NCALD: variants seen among roughly 807,000 people sequenced by gnomAD.
The protein encoded by NCALD is neurocalcin-delta.
NCALD carries 10 observed loss-of-function variants against 18.6 expected under a neutral mutation model. That is an observed-to-expected ratio of 0.54 (90% CI 0.33 to 0.91). The LOEUF is 0.91. NCALD is among the 40% of genes least tolerant of loss of function. NCALD has a pLI of 0.03. For missense variants in NCALD, 184 were observed against 247.6 expected, an observed-to-expected ratio of 0.74 and a Z score of 1.72; for synonymous variants, 88 against 87.4, an observed-to-expected ratio of 1.01 and a Z score of -0.04.
At chr8:101,998,827 T>A (rs186376867) in intron 2 of NCALD, among the ~76,000 whole-genome samples, 1 of 152,198 alleles carries the variant, frequency 6.6e-6, no homozygotes, top group East Asian at 1.9e-4. Flanking sequence ...AACCAGTTTT[T>A]AAAATAAAGA....
chr8:101,976,086 T>C (rs1820413334), intron 2 of NCALD, among the ~76,000 whole-genome samples: 1 of 152,176 alleles, frequency 6.6e-6, no homozygotes, highest in Non-Finnish European at 1.5e-5. Flanking sequence ...TCCTTTTAAG[T>C]GGCCAACTCT....
rs529102108 is a variant in NCALD at position 102,035,701 on chromosome 8, A to G, written c.-209-15412T>C. ...TAACTACTTGTCTCTTTAATGAACC[A>G]AAAGATTCTCTCCCAGGTAGTCACA... On this transcript the variant is annotated intron_variant, in intron 1 of 6. Coordinates refer to the NCALD transcript ENST00000311028. 8.5e-5 allele frequency among the ~76,000 whole-genome samples: 13 copies of G among 152,284 alleles called. No individual in the cohort carries two copies. In the East Asian group the frequency reaches 2.3e-3, roughly 27 times the overall value.
chr8:102,042,896 G>A (rs1823103828), intron 1 of NCALD, among the ~76,000 whole-genome samples: 2 of 151,852 alleles, frequency 1.3e-5, no homozygotes, highest in South Asian at 4.1e-4. Flanking sequence ...GGCCCAGAGA[G>A]TTCAAGGCTA....
At chr8:101,761,935 T>C (rs982607116) in intron 1 of NCALD, among the ~76,000 whole-genome samples, 1 of 152,158 alleles carries the variant, frequency 6.6e-6, no homozygotes, top group Admixed American at 6.5e-5. Flanking sequence ...TAATCCAAAT[T>C]CCACTATCTG....
At chr8:102,079,761 G>A (rs1054190362) in intron 1 of NCALD, among the ~76,000 whole-genome samples, 1 of 152,114 alleles carries the variant, frequency 6.6e-6, no homozygotes, top group Non-Finnish European at 1.5e-5. Flanking sequence ...AATATGAACT[G>A]CAATGCATAA....
intron 3 of NCALD, among the ~76,000 whole-genome samples, chr8:101,910,454 A>T (rs1458363516): frequency 1.4e-5 from 2 of 141,964 alleles, no homozygotes; most frequent in Admixed American, 7.0e-5. Flanking sequence ...AATAAAGAGA[A>T]ATAACAAATG....
chr8:101,762,079 C>G (rs1258435839), intron 1 of NCALD, among the ~76,000 whole-genome samples: 1 of 152,202 alleles, frequency 6.6e-6, no homozygotes, highest in Non-Finnish European at 1.5e-5. Context: ...GAGAAAGAAC[C>G]CTTCTATCTT....
At chr8:101,893,351 C>G (rs1339544393) in intron 3 of NCALD, among the ~76,000 whole-genome samples, 1 of 151,026 alleles carries the variant, frequency 6.6e-6, no homozygotes, top group Non-Finnish European at 1.5e-5. Context: ...CCTAAAAGAG[C>G]TCCTGAAGGA....
intron 1 of NCALD, among the ~76,000 whole-genome samples, chr8:102,065,198 T>C (rs1405188362): frequency 1.3e-5 from 2 of 151,820 alleles, no homozygotes; most frequent in Non-Finnish European, 2.9e-5. Flanking sequence ...GCAACAGATT[T>C]CGATCTGCTA....
chr8:102,013,664 A>T (rs1379957134), intron 2 of NCALD, among the ~76,000 whole-genome samples: 1 of 138,314 alleles, frequency 7.2e-6, no homozygotes, highest in African/African-American at 2.8e-5. Context: ...AAGATATGTT[A>T]AAAAAAAAAT....
At chr8:101,967,739 G>T (rs763937967) in intron 2 of NCALD, among the ~76,000 whole-genome samples, 2 of 152,150 alleles carry the variant, frequency 1.3e-5, no homozygotes, top group African/African-American at 2.4e-5. Context: ...AGCAGAGGGT[G>T]AGGATTCTTC....
intron 4 of NCALD, among the ~76,000 whole-genome samples, chr8:101,808,801 G>A (rs188150972): frequency 2.6e-5 from 4 of 152,186 alleles, no homozygotes; most frequent in African/African-American, 9.6e-5. Context: ...GCTGTAAGCT[G>A]GAAGAAGCTT....
In NCALD at chr8:101,845,042, G is replaced by A. The variant is rs1011811349; in HGVS notation, c.-20+42099C>T. Among the ~76,000 whole-genome samples the A allele has an allele frequency of 3.9e-5, 6 of 152,174 alleles. 1 individual carries two copies. The highest frequency in any genetic ancestry group is 1.4e-4 in the African/African-American group (6 of 41,436). ...TTTGTTAAAGAAATGAAGGACAGAA[G>A]GATGCTTAAAGTGGCAGCTACAGAA... is the stretch of plus-strand genomic sequence containing the variant. On this transcript the variant is annotated intron_variant, in intron 4 of 6. Transcript: ENST00000311028.
At position 101,963,652 on chromosome 8, in the gene NCALD, A is replaced by C. The variant is rs182196931; in HGVS notation, c.-156-47794T>G. 3.9e-3 allele frequency among the ~76,000 whole-genome samples: 598 copies of C among 152,292 alleles called. 1 individual carries two copies. Among genetic ancestry groups the C allele is most frequent in the Non-Finnish European group, 6.6e-3 (450 of 68,000 alleles). ...CTTCTTATGAGCTTTCTGTTATATGAGCCAATAAATATCCAATTTTTATAC... is the reference window on the plus strand; with the variant it reads ...CTTCTTATGAGCTTTCTGTTATATGCGCCAATAAATATCCAATTTTTATAC... On this transcript the variant is annotated intron_variant, in intron 2 of 6. Coordinates refer to the NCALD transcript ENST00000311028.
chr8:102,051,077 G>A (rs57967936), intron 1 of NCALD, among the ~76,000 whole-genome samples: 5,443 of 151,838 alleles, frequency 0.036, 306 homozygotes, highest in African/African-American at 0.12. Context: ...AATGTCCAAA[G>A]CCTGAATGTG....
chr8:102,003,327 C>T (rs1056066725), intron 2 of NCALD, among the ~76,000 whole-genome samples: 2 of 152,134 alleles, frequency 1.3e-5, no homozygotes, highest in Non-Finnish European at 2.9e-5. Flanking sequence ...AAGACTAAAC[C>T]AGGAAGAAGT....
At position 101,762,485 on chromosome 8, in the gene NCALD, A is replaced by G. The variant is rs546880393; in HGVS notation, c.-20+28377T>C. 3.3e-5 allele frequency among the ~76,000 whole-genome samples: 5 copies of G among 152,324 alleles called. No homozygotes were observed. In the South Asian group the frequency reaches 1.0e-3, roughly 32 times the overall value. On this transcript the variant is annotated intron_variant, in intron 1 of 3. Transcript: ENST00000220931. ...AAATATTTCAAAACAAGGAGATTTT[A>G]TCAGATGGCTGACACAGAGATAAGA...
At chr8:101,912,066 C>T (rs192050198) in intron 3 of NCALD, among the ~76,000 whole-genome samples, 21 of 152,074 alleles carry the variant, frequency 1.4e-4, no homozygotes, top group Middle Eastern at 3.4e-3. Context: ...TGGAGCAAAA[C>T]GGCCATGCCA....
At chr8:101,923,709 T>C (rs1448217191) in intron 2 of NCALD, among the ~76,000 whole-genome samples, 5 of 152,240 alleles carry the variant, frequency 3.3e-5, no homozygotes, top group African/African-American at 1.2e-4. Flanking sequence ...TTAAAGGGAC[T>C]TTGTACATAA....
Sources: gnomAD v4.1 joint callset for allele counts (sites outside exome capture counted in the v4.1 genomes callset) on GRCh38, gnomAD v4.1.1 for gene constraint, MANE v1.5 for transcripts, NCBI Gene and HGNC (gene_info 2026-07-23, HGNC 2026-07-21) for gene names.